Variants in ADNP observed in about 807,000 individuals in gnomAD.
The protein encoded by ADNP is activity dependent neuroprotector homeobox.
ADNP carries 4 observed loss-of-function variants against 84.9 expected under a neutral mutation model. The observed-to-expected ratio is 0.05, with a 90% CI of 0.02 to 0.11. ADNP has a LOEUF of 0.11. Among genes scored for constraint, ADNP ranks in the 10% least tolerant of loss-of-function variants. ADNP has a pLI of 1.00. For missense variants in ADNP, 1,132 were observed against 1,326.0 expected (o/e 0.85, Z 2.27); for synonymous variants, 554 against 468.1 (o/e 1.18, Z -2.37).
chr20:50,892,888 G>T lies in ADNP; in HGVS notation c.1826C>A (p.Pro609His). Residue 609 changes from proline to histidine, a missense_variant, in exon 6 of 6, where the codon CCT (proline) becomes CAT (histidine). Transcript: ENST00000621696. ...TTTTTTATAGGGCACTGCAGCTTGA[G>T]GTGAACTTTTTACAGGGATATCTGC... ...EKADIPVKSS[P>H]QAAVPYKKDV... 1 of 1,614,250 alleles carries T rather than the reference G, an allele frequency of 6.2e-7. No homozygotes were observed.
At chr20:50,920,009 T>C (rs1983835361) in intron 2 of ADNP, among the ~76,000 whole-genome samples, 2 of 152,134 alleles carry the variant, frequency 1.3e-5, no homozygotes, top group South Asian at 2.1e-4. Flanking sequence ...CCGGGTGTGG[T>C]GGCTCATGCC....
intron 1 of ADNP, among the ~76,000 whole-genome samples, chr20:50,929,026 G>A (rs974608572): frequency 2.6e-5 from 4 of 152,084 alleles, no homozygotes; most frequent in African/African-American, 4.8e-5. Context: ...ACCCAACATG[G>A]GCTTGATGTT....
intron 2 of ADNP, among the ~76,000 whole-genome samples, chr20:50,921,073 T>C (rs575178059): frequency 6.6e-5 from 10 of 152,336 alleles, no homozygotes; most frequent in African/African-American, 2.2e-4. Context: ...TCTCATTGTT[T>C]TAATGGCAGA....
Position 50,891,723 on chromosome 20 carries a change from A to G in ADNP, c.2991T>C (p.Ser997=). 1 of 1,614,178 alleles carries G rather than the reference A, an allele frequency of 6.2e-7. No individual in the cohort carries two copies. Among genetic ancestry groups the G allele is most frequent in the Non-Finnish European group, 8.5e-7 (1 of 1,180,034 alleles). ...NTCEMKPGTW[S]DESSQSEDAR... ...CATCTTCGCTTTGGGAAGACTCGTC[A>G]GACCAGGTTCCTGGTTTCATTTCGC... Residue 997 remains serine (S), a synonymous_variant, in exon 6 of 6, where the codon TCT becomes TCC. Transcript: ENST00000621696.
chr20:50,925,730 T>C (rs906345204), intron 2 of ADNP, among the ~76,000 whole-genome samples: 2 of 152,216 alleles, frequency 1.3e-5, no homozygotes, highest in Admixed American at 1.3e-4. Flanking sequence ...ACTAACAACA[T>C]AGAAGGTGTT....
chr20:50,892,503 A>T lies in ADNP; in HGVS notation c.2211T>A (p.Asp737Glu). 8 of 1,614,224 alleles carry T rather than the reference A, an allele frequency of 5.0e-6. No homozygotes were observed. The highest frequency in any genetic ancestry group is 5.9e-6 in the Non-Finnish European group (7 of 1,180,052). ...LKKRKLDDDS[D>E]SPSFFEEKPE... ...GCTTCTCTTCAAAGAAGCTGGGTGAATCACTATCATCATCTAACTTTCGTT... is the reference window on the plus strand; with the variant it reads ...GCTTCTCTTCAAAGAAGCTGGGTGATTCACTATCATCATCTAACTTTCGTT... Residue 737 changes from aspartate (D) to glutamate (E), a missense_variant, in exon 6 of 6, where the codon GAT becomes GAA. This residue lies in a region of ADNP where 101 missense variants were observed against 78.5 expected (regional missense o/e 1.29). Transcript: ENST00000621696.
chr20:50,930,511 T>C (rs1371525408), intron 1 of ADNP, among the ~76,000 whole-genome samples: 1 of 151,476 alleles, frequency 6.6e-6, no homozygotes. Flanking sequence ...CTGGGGGAGA[T>C]GCCCTTAGCT....
In ADNP at chr20:50,893,991, G is replaced by C. The variant is rs761224524; in HGVS notation, c.723C>G (p.Ile241Met). The change falls in exon 6 of 6, where the codon ATC (isoleucine) becomes ATG (methionine). Residue 241 changes from isoleucine (I) to methionine (M), a missense_variant. Ile to Met is a conservative substitution (Grantham distance 10). Coordinates refer to ENST00000621696, the MANE Select transcript of ADNP (RefSeq NM_001282531.3). This position sits in a 1 kb window ranked among gnomAD's most constrained non-coding sequence, Gnocchi z 4.4. ...KSYEALVQHV[I>M]EDHERIGYQV... is the part of the protein sequence containing the mutation. ...GATAGCCTATACGTTCATGGTCTTC[G>C]ATGACATGCTGTACCAAAGCTTCAT... 4 of 1,613,994 alleles carry C rather than the reference G, an allele frequency of 2.5e-6. No homozygotes were observed. Among genetic ancestry groups the C allele is most frequent in the Admixed American group, 1.7e-5 (1 of 59,998 alleles).
intron 3 of ADNP, chr20:50,904,296 G>C (rs1162083837): frequency 3.6e-6 from 1 of 276,212 alleles, no homozygotes; most frequent in African/African-American, 2.2e-5. Context: ...ATTCACCATA[G>C]CCTCAACCTT....
intron 5 of ADNP, among the ~76,000 whole-genome samples, chr20:50,894,895 C>A (rs543650468): frequency 6.6e-6 from 1 of 150,626 alleles, no homozygotes; most frequent in African/African-American, 2.4e-5. Context: ...GAAACTGTCT[C>A]AAAAAAAAGC....
intron 2 of ADNP, among the ~76,000 whole-genome samples, chr20:50,907,989 A>G (rs182823794): frequency 2.2e-4 from 34 of 152,292 alleles, no homozygotes; most frequent in Non-Finnish European, 4.1e-4. Flanking sequence ...GACATTCCTA[A>G]TAACCTTGGA....
At chr20:50,911,374 A>C (rs1983014869) in intron 2 of ADNP, among the ~76,000 whole-genome samples, 1 of 152,186 alleles carries the variant, frequency 6.6e-6, no homozygotes, top group Non-Finnish European at 1.5e-5. Context: ...ATTTCCGCAT[A>C]CGGTGAGAGA....
intron 5 of ADNP, among the ~76,000 whole-genome samples, chr20:50,899,867 ATTTTTT>A (rs142777741): frequency 4.6e-5 from 6 of 131,282 alleles, no homozygotes; most frequent in Admixed American, 2.3e-4. Context: ...CAGCTGTACA[ATTTTTT>A]TTTTTTTTTT....
rs1980435840 is a variant in ADNP at position 50,889,563 on chromosome 20, T to C, written c.*1842A>G. ...ACATTTTAGGGAGAGGCTGGTCAAA[T>C]CTCTACTCTCTGGTAACAGCATTAA... is the stretch of plus-strand genomic sequence containing the variant. On this transcript the variant is annotated 3_prime_UTR_variant, in exon 6 of 6. Transcript: ENST00000621696. 5 of 266,176 alleles carry C rather than the reference T, an allele frequency of 1.9e-5. No homozygotes were observed. Among genetic ancestry groups the C allele is most frequent in the Admixed American group, 1.6e-4 (3 of 18,622 alleles). The allele number at this position is 266,176 out of a possible 1,614,324, so 16.5% of individuals were successfully genotyped here.
rs1273701290 is a variant in ADNP at position 50,892,013 on chromosome 20, G to C, written c.2701C>G (p.Pro901Ala). 9 of 1,613,946 alleles carry C rather than the reference G, an allele frequency of 5.6e-6. No homozygotes were observed. Among genetic ancestry groups the C allele is most frequent in the Non-Finnish European group, 7.6e-6 (9 of 1,180,028 alleles). ...TCTGGGTTATCGTTAGAGATTTTAGGTTCAACTTCAAAAACAGGGTCAAAA... is the reference window on the plus strand; with the variant it reads ...TCTGGGTTATCGTTAGAGATTTTAGCTTCAACTTCAAAAACAGGGTCAAAA... ...SPFDPVFEVE[P>A]KISNDNPEEH... Residue 901 changes from proline to alanine, a missense_variant, in exon 6 of 6, where the codon CCT (proline) becomes GCT (alanine). Around this residue, in one of 10 missense-constraint regions of ADNP, gnomAD observed 381 missense variants for 319.9 expected, o/e 1.19. Coordinates refer to ENST00000621696, the MANE Select transcript of ADNP (RefSeq NM_001282531.3).
chr20:50,894,566 C>G (rs781046740), intron 5 of ADNP, 54 bp from the exon 6 acceptor site: 5 of 1,515,022 alleles, frequency 3.3e-6, no homozygotes, highest in Admixed American at 2.2e-5. Flanking sequence ...AGGCAGTTAA[C>G]AGATTCCAGA....
chr20:50,927,040 T>C (rs918553924), intron 2 of ADNP, among the ~76,000 whole-genome samples: 1 of 152,224 alleles, frequency 6.6e-6, no homozygotes, highest in African/African-American at 2.4e-5. Context: ...TATATACCTA[T>C]ACTTTTAATA....
intron 2 of ADNP, chr20:50,909,881 T>C (rs775846189): frequency 1.3e-5 from 2 of 152,192 alleles, no homozygotes; most frequent in African/African-American, 4.8e-5. Context: ...AGACCTGCCA[T>C]CACATGAAGG....
Position 50,893,202 on chromosome 20 carries a change from G to A in ADNP, c.1512C>T (p.Leu504=). The change falls in exon 6 of 6, where the codon CTC becomes CTT. Residue 504 remains leucine, a synonymous_variant. Coordinates refer to ENST00000621696, the MANE Select transcript of ADNP (RefSeq NM_001282531.3). This position sits in a 1 kb window ranked among gnomAD's most constrained non-coding sequence, Gnocchi z 4.4. The part of the protein sequence containing the change: ...CNRYLPTDTL[L]NHMLIHGLSC... ...ACAGACCATGAATTAACATATGGTTGAGCAGAGTATCTGTGGGTAAATAGC... is the reference window on the plus strand; with the variant it reads ...ACAGACCATGAATTAACATATGGTTAAGCAGAGTATCTGTGGGTAAATAGC... The A allele has an allele frequency of 4.3e-6, 7 of 1,614,234 alleles. No homozygotes were observed. The highest frequency in any genetic ancestry group is 1.1e-5 in the South Asian group (1 of 91,082).
Sources: gnomAD v4.1 joint callset for allele counts (sites outside exome capture counted in the v4.1 genomes callset) on GRCh38, gnomAD v4.1.1 for gene constraint, gnomAD v4.1.1 regional missense constraint, Gnocchi (gnomAD v3.1) non-coding constraint, MANE v1.5 for transcripts, NCBI Gene and HGNC (gene_info 2026-07-23, HGNC 2026-07-21) for gene names.